The following DSCAML1 variants were observed in gnomAD, a reference collection of about 807,000 sequenced individuals.
The protein encoded by DSCAML1 is DS cell adhesion molecule like 1, also known as cell adhesion molecule DSCAML1.
A neutral mutation model predicts 200.5 loss-of-function variants in DSCAML1; 38 were observed. The observed-to-expected ratio is 0.19, with a 90% confidence interval of 0.15 to 0.25. DSCAML1 has a LOEUF of 0.25. Among genes scored for constraint, DSCAML1 ranks in the 10% least tolerant of loss-of-function variants. DSCAML1 has a pLI of 1.00. For missense variants in DSCAML1, 2,223 were observed against 2,858.8 expected, an observed-to-expected ratio of 0.78 and a Z score of 5.07; for synonymous variants, 1,215 against 1,165.0, an observed-to-expected ratio of 1.04 and a Z score of -0.87.
intron 3 of DSCAML1, among the ~76,000 whole-genome samples, chr11:117,657,613 C>T (rs2052760544): frequency 6.6e-6 from 1 of 152,190 alleles, no homozygotes; most frequent in Admixed American, 6.5e-5. Flanking sequence ...CTCCTCACCC[C>T]CATGCTTTCA....
intron 1 of DSCAML1, among the ~76,000 whole-genome samples, chr11:117,814,940 G>A (rs968729523): frequency 2.6e-5 from 4 of 152,254 alleles, no homozygotes; most frequent in African/African-American, 7.2e-5. Flanking sequence ...AGGACACCGG[G>A]TTCCCGTGTG....
intron 19 of DSCAML1, among the ~76,000 whole-genome samples, chr11:117,454,712 G>T (rs1353465204): frequency 6.6e-6 from 1 of 152,194 alleles, no homozygotes; most frequent in Non-Finnish European, 1.5e-5. Context: ...ATAATTTGTG[G>T]CATCTGCTGA....
At chr11:117,615,281 C>T (rs1210302601) in intron 3 of DSCAML1, among the ~76,000 whole-genome samples, 1 of 152,182 alleles carries the variant, frequency 6.6e-6, no homozygotes, top group African/African-American at 2.4e-5. Flanking sequence ...GCCCTCCTAC[C>T]TGAGGAAGAG....
chr11:117,534,073 A>G (rs75207484), intron 3 of DSCAML1, among the ~76,000 whole-genome samples: 3,190 of 152,330 alleles, frequency 0.021, 94 homozygotes, highest in African/African-American at 0.072. Context: ...TGGCAGAGGG[A>G]AACATTTTGG....
chr11:117,441,817 C>A (rs1004587848), intron 21 of DSCAML1, among the ~76,000 whole-genome samples: 13 of 152,092 alleles, frequency 8.5e-5, no homozygotes, highest in African/African-American at 3.1e-4. Context: ...ACCAGACAGG[C>A]CCGGCAGAGG....
intron 3 of DSCAML1, among the ~76,000 whole-genome samples, chr11:117,772,600 C>T (rs1330762718): frequency 6.6e-6 from 1 of 152,172 alleles, no homozygotes; most frequent in Admixed American, 6.5e-5. Context: ...TGCTGGGAGA[C>T]TCCCACAAGG....
chr11:117,810,063 ACACT>A (rs1428838098), intron 1 of DSCAML1, among the ~76,000 whole-genome samples: 1 of 150,552 alleles, frequency 6.6e-6, no homozygotes, highest in East Asian at 1.9e-4. Flanking sequence ...ACACATTCAC[ACACT>A]CACTTACACA....
intron 11 of DSCAML1, among the ~76,000 whole-genome samples, chr11:117,485,796 T>C (rs1203660767): frequency 6.6e-6 from 1 of 152,244 alleles, no homozygotes; most frequent in African/African-American, 2.4e-5. Context: ...GAAGACAGAC[T>C]GTGGTACTGA....
rs550930830 is a variant in DSCAML1, at chr11:117,745,192, G to A, written c.511+31599C>T. Among the ~76,000 whole-genome samples the A allele has an allele frequency of 2.6e-4, 38 of 147,030 alleles. 1 individual carries two copies. In the South Asian group the frequency reaches 8.4e-3, roughly 33 times the overall value. ...GGATGACAGCTGGGAGGGGCACGTG[G>A]GAGGCTCACGGAGGGCTGGTGAGGC... is the stretch of plus-strand genomic sequence containing the variant. On this transcript the variant is annotated intron_variant, in intron 3 of 32. Coordinates refer to ENST00000651296, the MANE Select transcript of DSCAML1 (RefSeq NM_020693.4).
chr11:117,797,080 G>A lies in DSCAML1; in HGVS notation c.-1C>T, dbSNP rs1339761471. 9 of 1,582,650 alleles carry A rather than the reference G, an allele frequency of 5.7e-6. No individual in the cohort carries two copies. The highest frequency in any genetic ancestry group is 7.7e-6 in the Non-Finnish European group (9 of 1,165,304). ...GCAGGAGGAAAGTTACCAGCCACATGCCATAAAGAGGCCCTATTCTCCGGG... is the reference window on the plus strand; with the variant it reads ...GCAGGAGGAAAGTTACCAGCCACATACCATAAAGAGGCCCTATTCTCCGGG... On this transcript the variant is annotated 5_prime_UTR_variant, in exon 1 of 33. Transcript: ENST00000651296.
At chr11:117,628,341 C>A (rs908833342) in intron 3 of DSCAML1, among the ~76,000 whole-genome samples, 2 of 152,174 alleles carry the variant, frequency 1.3e-5, no homozygotes, top group African/African-American at 4.8e-5. Flanking sequence ...AGCGGCTGAT[C>A]CTCATGACCT....
intron 3 of DSCAML1, among the ~76,000 whole-genome samples, chr11:117,640,714 A>G (rs1565844518): frequency 6.6e-6 from 1 of 152,054 alleles, no homozygotes; most frequent in Non-Finnish European, 1.5e-5. Flanking sequence ...CCTCTTCCCC[A>G]TGTCAATCCC....
intron 3 of DSCAML1, among the ~76,000 whole-genome samples, chr11:117,555,460 G>A (rs1206952088): frequency 3.3e-5 from 5 of 152,210 alleles, no homozygotes; most frequent in African/African-American, 1.2e-4. Context: ...AGAGGATGAA[G>A]TGACCGCTGT....
At chr11:117,453,939 T>TC (rs1220066504) in intron 19 of DSCAML1, among the ~76,000 whole-genome samples, 1 of 152,058 alleles carries the variant, frequency 6.6e-6, no homozygotes, top group African/African-American at 2.4e-5. Flanking sequence ...AGATGGGGTT[T>TC]CACCATGTTG....
chr11:117,612,145 A>G (rs2051707942), intron 3 of DSCAML1: 1 of 152,230 alleles, frequency 6.6e-6, no homozygotes, highest in Non-Finnish European at 1.5e-5. Context: ...ACTCTGAATA[A>G]GATCAAACCA....
intron 3 of DSCAML1, among the ~76,000 whole-genome samples, chr11:117,679,275 C>A (rs984294680): frequency 6.6e-6 from 1 of 152,196 alleles, no homozygotes; most frequent in African/African-American, 2.4e-5. Context: ...AGAGACCTAG[C>A]AGACACCAGG....
intron 32 of DSCAML1, 37 bp downstream of exon 32, chr11:117,430,685 G>C (rs369799344): frequency 5.7e-6 from 9 of 1,570,108 alleles, no homozygotes; most frequent in African/African-American, 1.3e-5. Context: ...GCCAGGGGGC[G>C]GGGGGGCACT....
chr11:117,784,438 C>T (rs1204577292), intron 1 of DSCAML1, among the ~76,000 whole-genome samples: 1 of 152,192 alleles, frequency 6.6e-6, no homozygotes, highest in South Asian at 2.1e-4. Flanking sequence ...TACCTCAAAT[C>T]TCTGCTATGT....
chr11:117,444,191 T>C (rs2048129655), intron 20 of DSCAML1, 152 bp from the exon 21 acceptor site: 1 of 970,264 alleles, frequency 1.0e-6, no homozygotes, highest in Non-Finnish European at 1.5e-6. Flanking sequence ...GTTTTAGAGA[T>C]GCAGCGGACA....
Sources: gnomAD v4.1 joint callset for allele counts (sites outside exome capture counted in the v4.1 genomes callset) on GRCh38, gnomAD v4.1.1 for gene constraint, MANE v1.5 for transcripts, NCBI Gene and HGNC (gene_info 2026-07-23, HGNC 2026-07-21) for gene names.